Variants in ECPAS observed in about 807,000 individuals in gnomAD.
The protein encoded by ECPAS is Ecm29 proteasome adaptor and scaffold.
Under a neutral mutation model 255.1 loss-of-function variants are expected in ECPAS, and 70 were observed. That is an observed-to-expected ratio of 0.27 (90% CI 0.23 to 0.33). The LOEUF (loss-of-function observed/expected upper bound fraction) is 0.33. Among genes scored for constraint, ECPAS ranks in the 10% least tolerant of loss-of-function variants. ECPAS has a pLI of 1.00. For missense variants in ECPAS, 1,817 were observed against 2,206.4 expected, an observed-to-expected ratio of 0.82 and a Z score of 3.54; for synonymous variants, 784 against 775.0, an observed-to-expected ratio of 1.01 and a Z score of -0.19.
intron 33 of ECPAS, 92 bp from the exon 34 acceptor site, chr9:111,384,661 A>G: frequency 8.9e-7 from 1 of 1,121,884 alleles, no homozygotes; most frequent in East Asian, 2.4e-5. Context: ...CAGGCCCTAC[A>G]GAGATTTGGT....
chr9:111,394,017 C>T, intron 26 of ECPAS, 143 bp downstream of exon 26: 1 of 869,136 alleles, frequency 1.2e-6, no homozygotes, highest in Non-Finnish European at 1.7e-6. Flanking sequence ...CTATATACAT[C>T]AGGCCACCAT....
At chr9:111,482,121 C>T (rs918340999) in intron 1 of ECPAS, among the ~76,000 whole-genome samples, 6 of 152,172 alleles carry the variant, frequency 3.9e-5, no homozygotes, top group Non-Finnish European at 8.8e-5. Context: ...TACTTTTCTT[C>T]CAATTAAAAC....
Position 111,376,455 on chromosome 9 carries a change from AT to A in ECPAS, c.4020+20del. ...TTCAGGTAAGCAAACAAACCCTCTC[AT>A]TATTATTTAAGACACTCACCATGTT... On this transcript the variant is annotated intron_variant, in intron 37 of 49. Coordinates refer to ENST00000684092, the MANE Select transcript of ECPAS (RefSeq NM_001364929.1). The A allele has an allele frequency of 1.3e-6, 2 of 1,559,894 alleles. No individual in the cohort carries two copies. Among genetic ancestry groups the A allele is most frequent in the Non-Finnish European group, 8.7e-7 (1 of 1,145,786 alleles).
At chr9:111,442,279 G>A in intron 5 of ECPAS, 27 bp downstream of exon 5, 2 of 1,447,846 alleles carry the variant, frequency 1.4e-6, no homozygotes. Context: ...CTGTAGGAGG[G>A]AAATTAGTTA....
chr9:111,393,351 G>T (rs2098163036), intron 27 of ECPAS, among the ~76,000 whole-genome samples: 1 of 152,280 alleles, frequency 6.6e-6, no homozygotes, highest in South Asian at 2.1e-4. Context: ...AATCAGAGAG[G>T]AAAAGTAACC....
intron 36 of ECPAS, among the ~76,000 whole-genome samples, chr9:111,376,985 A>T (rs2098134049): frequency 1.3e-5 from 2 of 152,224 alleles, no homozygotes. Context: ...GCTGAAGGAG[A>T]GGTTAACACT....
intron 1 of ECPAS, among the ~76,000 whole-genome samples, chr9:111,478,059 C>A (rs2098298716): frequency 6.6e-6 from 1 of 151,872 alleles, no homozygotes; most frequent in Non-Finnish European, 1.5e-5. Context: ...TGCCAACACA[C>A]CCAGCTAATT....
chr9:111,385,271 A>C, intron 33 of ECPAS, 66 bp downstream of exon 33: 1 of 833,790 alleles, frequency 1.2e-6, no homozygotes, highest in South Asian at 1.7e-5. Context: ...CATACACAAC[A>C]TAAATATTTT....
In ECPAS at chr9:111,480,124, T is replaced by C. The variant is rs532318813; in HGVS notation, c.-83+3992A>G. Among the ~76,000 whole-genome samples, 6 of 152,232 alleles carry C rather than the reference T, an allele frequency of 3.9e-5. No homozygotes were observed. In the East Asian group the frequency reaches 1.2e-3, roughly 29 times the overall value. Reference sequence around the variant, plus strand: ...GTGGTGGGTACACGAATGTTCACTTTCAACTTTTCTGTGTGTTTGAAGATT... The same window carrying C: ...GTGGTGGGTACACGAATGTTCACTTCCAACTTTTCTGTGTGTTTGAAGATT... On this transcript the variant is annotated intron_variant, in intron 1 of 49. Transcript: ENST00000684092.
intron 35 of ECPAS, among the ~76,000 whole-genome samples, chr9:111,379,349 T>C (rs2098137710): frequency 6.6e-6 from 1 of 152,382 alleles, no homozygotes; most frequent in African/African-American, 2.4e-5. Context: ...TATTGTAGTC[T>C]ATTAAGTGTG....
At chr9:111,407,427 A>AG (rs1207214240) in intron 24 of ECPAS, among the ~76,000 whole-genome samples, 1 of 144,928 alleles carries the variant, frequency 6.9e-6, no homozygotes, top group South Asian at 2.2e-4. Context: ...AAAAAAAAAA[A>AG]AAAAAAAAAA....
intron 24 of ECPAS, among the ~76,000 whole-genome samples, chr9:111,399,444 A>G (rs2098172336): frequency 6.6e-6 from 1 of 152,200 alleles, no homozygotes; most frequent in African/African-American, 2.4e-5. Flanking sequence ...GGTGAAGCAG[A>G]GCAAAATGAG....
intron 2 of ECPAS, among the ~76,000 whole-genome samples, chr9:111,453,972 C>G (rs923435528): frequency 6.6e-5 from 10 of 151,900 alleles, no homozygotes; most frequent in African/African-American, 2.4e-4. Flanking sequence ...CAAATAAAGT[C>G]TCAAGTTTAG....
intron 13 of ECPAS, among the ~76,000 whole-genome samples, 164 bp from the exon 14 acceptor site, chr9:111,422,364 TCCAAATAAC>T (rs1190100699): frequency 3.9e-5 from 6 of 152,214 alleles, no homozygotes; most frequent in Admixed American, 6.5e-5. Flanking sequence ...AATTCTTTAA[TCCAAATAAC>T]CCTTGATTAA....
intron 31 of ECPAS, among the ~76,000 whole-genome samples, chr9:111,388,160 A>G (rs1333903928): frequency 6.6e-6 from 1 of 151,916 alleles, no homozygotes; most frequent in Non-Finnish European, 1.5e-5. Context: ...TGTTATCCTT[A>G]CTTACATGTA....
intron 2 of ECPAS, among the ~76,000 whole-genome samples, chr9:111,462,243 A>C (rs2098274047): frequency 6.6e-6 from 1 of 152,256 alleles, no homozygotes; most frequent in Non-Finnish European, 1.5e-5. Flanking sequence ...TATGATTAGC[A>C]GAATCTGTCC....
rs1207952985 is a variant in ECPAS at position 111,407,156 on chromosome 9, C to CT, written c.2652+1414dup. Among the ~76,000 whole-genome samples the CT allele has an allele frequency of 1.0e-4, 15 of 145,896 alleles. 2 individuals carry two copies. The highest frequency in any genetic ancestry group is 4.0e-4 in the African/African-American group (15 of 37,464). ...GTGGTTCACATCTGTAATCCCAGCACTTTGGGAGGCCGAGGTGGGCGGATC... is the reference window on the plus strand; with the variant it reads ...GTGGTTCACATCTGTAATCCCAGCACTTTTGGGAGGCCGAGGTGGGCGGATC... On this transcript the variant is annotated intron_variant, in intron 24 of 49. Transcript: ENST00000684092.
intron 3 of ECPAS, among the ~76,000 whole-genome samples, chr9:111,445,669 T>C (rs560748866): frequency 2.0e-5 from 3 of 152,112 alleles, no homozygotes; most frequent in Non-Finnish European, 4.4e-5. Flanking sequence ...GTCTGGGAGT[T>C]GTTTTTTGTT....
chr9:111,406,144 A>T lies in ECPAS; in HGVS notation c.2652+2427T>A, dbSNP rs191050069. The stretch of plus-strand genomic sequence containing the variant: ...TAAGTGTCCAGCAACAGATGAATGG[A>T]TTTTTTAAAAGTGGTATATATACAC... On this transcript the variant is annotated intron_variant, in intron 24 of 49. Coordinates refer to ENST00000684092, the MANE Select transcript of ECPAS (RefSeq NM_001364929.1). Among the ~76,000 whole-genome samples, 393 of 149,942 alleles carry T rather than the reference A, an allele frequency of 2.6e-3. 3 individuals carry two copies. The highest frequency in any genetic ancestry group is 2.5e-3 in the Non-Finnish European group (171 of 67,964).
Sources: gnomAD v4.1 joint callset for allele counts (sites outside exome capture counted in the v4.1 genomes callset) on GRCh38, gnomAD v4.1.1 for gene constraint, MANE v1.5 for transcripts, NCBI Gene and HGNC (gene_info 2026-07-23, HGNC 2026-07-21) for gene names.